The following MLLT3 variants were observed in gnomAD, a reference collection of about 807,000 sequenced individuals.
MLLT3 encodes the protein MLLT3 super elongation complex subunit, also known as protein AF-9.
MLLT3 carries 4 observed loss-of-function variants against 53.2 expected under a neutral mutation model. The observed-to-expected ratio is 0.08, with a 90% confidence interval of 0.04 to 0.17. The LOEUF is 0.17. Among genes scored for constraint, MLLT3 ranks in the 10% least tolerant of loss-of-function variants. The pLI is 1.00. For synonymous variants in MLLT3, 283 were observed against 230.6 expected (o/e 1.23, Z -2.06); for missense variants, 569 against 684.0 (o/e 0.83, Z 1.87).
At chr9:20,479,813 T>A (rs143504899) in intron 2 of MLLT3, among the ~76,000 whole-genome samples, 1 of 152,344 alleles carries the variant, frequency 6.6e-6, no homozygotes, top group African/African-American at 2.4e-5. Flanking sequence ...CAAATTTGGA[T>A]AAAGACCATG....
intron 2 of MLLT3, among the ~76,000 whole-genome samples, chr9:20,499,852 C>G (rs1825174562): frequency 1.3e-5 from 2 of 152,122 alleles, no homozygotes; most frequent in South Asian, 4.1e-4. Flanking sequence ...ATTATTTGAG[C>G]CTAGGGCTTT....
At chr9:20,521,456 A>ATGTGTGTG (rs1554634356) in intron 2 of MLLT3, among the ~76,000 whole-genome samples, 6 of 114,022 alleles carry the variant, frequency 5.3e-5, no homozygotes, top group African/African-American at 2.1e-4. Flanking sequence ...CTGTGTGTGT[A>ATGTGTGTG]TATGTGTGTG....
At chr9:20,545,285 T>C (rs1818757836) in intron 2 of MLLT3, among the ~76,000 whole-genome samples, 1 of 152,130 alleles carries the variant, frequency 6.6e-6, no homozygotes, top group Admixed American at 6.6e-5. Context: ...GAGGACACGC[T>C]AAGTGAAATA....
intron 2 of MLLT3, among the ~76,000 whole-genome samples, chr9:20,501,806 C>T (rs906543566): frequency 8.3e-5 from 12 of 144,676 alleles, no homozygotes; most frequent in South Asian, 4.4e-4. Context: ...AGAGGTCAGG[C>T]GAGGTGGCTC....
chr9:20,498,266 A>AAAAAAAAAAAAAAAAAG (rs760352616), intron 2 of MLLT3, among the ~76,000 whole-genome samples: 1 of 98,284 alleles, frequency 1.0e-5, no homozygotes, highest in African/African-American at 3.6e-5. Context: ...AAAAAAAAAA[A>AAAAAAAAAAAAAAAAAG]GTTCTTCTAG....
chr9:20,584,902 T>C (rs1264744947), intron 2 of MLLT3, among the ~76,000 whole-genome samples: 1 of 152,224 alleles, frequency 6.6e-6, no homozygotes, highest in Non-Finnish European at 1.5e-5. Flanking sequence ...AGCTCCTCCA[T>C]TTACCTATTG....
At chr9:20,537,808 G>C (rs1818524912) in intron 2 of MLLT3, among the ~76,000 whole-genome samples, 1 of 152,094 alleles carries the variant, frequency 6.6e-6, no homozygotes, top group Non-Finnish European at 1.5e-5. Context: ...AAATGTATTT[G>C]ACAGACATGG....
intron 2 of MLLT3, among the ~76,000 whole-genome samples, chr9:20,555,157 G>C (rs1210308601): frequency 2.0e-5 from 3 of 152,022 alleles, no homozygotes; most frequent in Admixed American, 6.6e-5. Flanking sequence ...TCTTCAGATA[G>C]CACTCCTCCT....
chr9:20,349,794 G>C (rs993520005), intron 10 of MLLT3, among the ~76,000 whole-genome samples: 3 of 152,154 alleles, frequency 2.0e-5, no homozygotes, highest in Non-Finnish European at 4.4e-5. Flanking sequence ...ACCATGTTGT[G>C]CCCGGCCTGC....
At position 20,600,230 on chromosome 9, in the gene MLLT3, G is replaced by A. The variant is rs540920937; in HGVS notation, c.193+20424C>T. On this transcript the variant is annotated intron_variant, in intron 2 of 10. Coordinates refer to ENST00000380338, the MANE Select transcript of MLLT3 (RefSeq NM_004529.4). Reference sequence around the variant, plus strand: ...TGTTTCCACAGCTTCATTTTTCATAGCTTCATAAAAGCACTCATCTTGTTG... The same window carrying A: ...TGTTTCCACAGCTTCATTTTTCATAACTTCATAAAAGCACTCATCTTGTTG... Among the ~76,000 whole-genome samples, 10 of 151,656 alleles carry A rather than the reference G, an allele frequency of 6.6e-5. 1 individual carries two copies. In the East Asian group the frequency reaches 1.7e-3, roughly 26 times the overall value.
intron 2 of MLLT3, among the ~76,000 whole-genome samples, chr9:20,568,862 A>G (rs1819452541): frequency 6.6e-6 from 1 of 152,204 alleles, no homozygotes; most frequent in Non-Finnish European, 1.5e-5. Context: ...TTTCAGAAAT[A>G]AAGACATTGA....
intron 2 of MLLT3, among the ~76,000 whole-genome samples, chr9:20,488,518 C>G (rs1246831697): frequency 1.3e-5 from 2 of 152,106 alleles, no homozygotes; most frequent in African/African-American, 4.8e-5. Context: ...CGAATCATTT[C>G]CCTGATTACA....
intron 5 of MLLT3, among the ~76,000 whole-genome samples, chr9:20,373,239 A>C (rs1001259233): frequency 6.6e-6 from 1 of 152,190 alleles, no homozygotes; most frequent in Non-Finnish European, 1.5e-5. Flanking sequence ...CATTTACAAT[A>C]GGTCACATAC....
chr9:20,590,949 T>C (rs1249749990), intron 2 of MLLT3, among the ~76,000 whole-genome samples: 1 of 152,074 alleles, frequency 6.6e-6, no homozygotes, highest in Middle Eastern at 3.4e-3. Flanking sequence ...GGGGTCTTCC[T>C]ACATTGCCTA....
chr9:20,370,706 T>G (rs190601502), intron 5 of MLLT3, among the ~76,000 whole-genome samples: 1 of 152,260 alleles, frequency 6.6e-6, no homozygotes, highest in East Asian at 1.9e-4. Flanking sequence ...AGATGGGGTT[T>G]CGCCATGTTA....
intron 2 of MLLT3, among the ~76,000 whole-genome samples, chr9:20,616,979 A>T (rs1257516881): frequency 2.0e-5 from 3 of 152,170 alleles, no homozygotes; most frequent in Non-Finnish European, 2.9e-5. Context: ...TTACATTCTC[A>T]CCCACAGAAT....
chr9:20,361,367 G>A (rs1429873002), intron 7 of MLLT3, among the ~76,000 whole-genome samples: 1 of 152,146 alleles, frequency 6.6e-6, no homozygotes, highest in Non-Finnish European at 1.5e-5. Flanking sequence ...CACGCTGCAG[G>A]GGAAGAAGCA....
chr9:20,401,592 C>G (rs550892239), intron 5 of MLLT3, among the ~76,000 whole-genome samples: 1 of 152,106 alleles, frequency 6.6e-6, no homozygotes, highest in Non-Finnish European at 1.5e-5. Flanking sequence ...GCTAGAGCAC[C>G]GGTCATCACT....
intron 5 of MLLT3, among the ~76,000 whole-genome samples, chr9:20,406,013 G>A (rs1372685751): frequency 3.3e-5 from 5 of 152,136 alleles, no homozygotes; most frequent in Admixed American, 6.5e-5. Context: ...TCGGGAGGCT[G>A]AGGCAGCAGA....
Sources: gnomAD v4.1 joint callset for allele counts (sites outside exome capture counted in the v4.1 genomes callset) on GRCh38, gnomAD v4.1.1 for gene constraint, MANE v1.5 for transcripts, NCBI Gene and HGNC (gene_info 2026-07-23, HGNC 2026-07-21) for gene names.